The following EBF2 variants were observed in gnomAD, a reference collection of about 807,000 sequenced individuals.
The protein encoded by EBF2 is transcription factor COE2.
EBF2 carries 21 observed loss-of-function variants against 72.8 expected under a neutral mutation model. That is an observed-to-expected ratio of 0.29 (90% CI 0.20 to 0.42). The LOEUF (loss-of-function observed/expected upper bound fraction) is 0.42, where lower values mean the gene tolerates loss of function less well. Ranked by LOEUF, EBF2 falls within the 10% of genes least tolerant of loss-of-function variation. The probability of loss-of-function intolerance (pLI) is 1.00; values close to 1 mark genes in which losing one functional copy is unlikely to be tolerated. For missense variants in EBF2, 637 were observed against 731.2 expected (o/e 0.87, Z 1.49); for synonymous variants, 299 against 274.2 (o/e 1.09, Z -0.89).
intron 6 of EBF2, among the ~76,000 whole-genome samples, chr8:26,018,496 C>CAAAAAAAA (rs10555042): frequency 0.022 from 1,813 of 81,142 alleles, no homozygotes; most frequent in Middle Eastern, 0.055. Flanking sequence ...ACTAAAAATA[C>CAAAAAAAA]AAAAAAAAAA....
chr8:25,862,629 G>A (rs1210983603), intron 11 of EBF2, 80 bp downstream of exon 11: 4 of 1,106,504 alleles, frequency 3.6e-6, no homozygotes, highest in South Asian at 1.8e-5. Flanking sequence ...ATTTTAATGG[G>A]ATGTAAATGC....
intron 6 of EBF2, among the ~76,000 whole-genome samples, chr8:25,971,624 G>T (rs1184816836): frequency 6.6e-6 from 1 of 152,128 alleles, no homozygotes; most frequent in Non-Finnish European, 1.5e-5. Flanking sequence ...AATATTGATA[G>T]GTTAATGCTT....
At chr8:25,858,638 A>C in intron 13 of EBF2, 134 bp from the exon 14 acceptor site, 1 of 454,490 alleles carries the variant, frequency 2.2e-6, no homozygotes, top group Non-Finnish European at 3.9e-6. Flanking sequence ...GGAAGTGTGC[A>C]GTCCATCTTT....
At chr8:26,032,937 G>T in intron 6 of EBF2, 148 bp downstream of exon 6, 3 of 670,602 alleles carry the variant, frequency 4.5e-6, no homozygotes, top group Non-Finnish European at 7.8e-6. Context: ...AGAAAGGCCA[G>T]CATGAGGAGG....
At chr8:25,950,177 G>A (rs1803834926) in intron 6 of EBF2, among the ~76,000 whole-genome samples, 1 of 152,148 alleles carries the variant, frequency 6.6e-6, no homozygotes, top group African/African-American at 2.4e-5. Context: ...ATCACTCACT[G>A]ATGAATAACA....
At position 26,005,557 on chromosome 8, in the gene EBF2, T is replaced by TAGAGAGAGAGAGAG. The variant is rs1480763824; in HGVS notation, c.551+27527_551+27528insCTCTCTCTCTCTCT. 1.8e-3 allele frequency among the ~76,000 whole-genome samples: 80 copies of TAGAGAGAGAGAGAG among 45,072 alleles called. 3 individuals carry two copies. The highest frequency in any genetic ancestry group is 3.7e-3 in the African/African-American group (27 of 7,298). 29.6% of individuals were successfully genotyped at this position (45,072 alleles called of 152,430 possible). On this transcript the variant is annotated intron_variant, in intron 6 of 15. Transcript: ENST00000520164. The stretch of plus-strand genomic sequence containing the variant: ...TATATATATTTTATATATATATATA[T>TAGAGAGAGAGAGAG]ATATAGAGAGAGAGAGAGAGAGGTA...
At chr8:26,042,772 G>GCCC (rs1272963052) in intron 1 of EBF2, among the ~76,000 whole-genome samples, 1 of 152,178 alleles carries the variant, frequency 6.6e-6, no homozygotes, top group Non-Finnish European at 1.5e-5. Flanking sequence ...TGCTCACAAC[G>GCCC]CCCAAATGCT....
chr8:25,958,735 C>A (rs116022197), intron 6 of EBF2, among the ~76,000 whole-genome samples: 2,077 of 152,264 alleles, frequency 0.014, 49 homozygotes, highest in African/African-American at 0.046. Flanking sequence ...TACTACCTAA[C>A]GACAGTTGCC....
At chr8:25,942,615 T>C (rs1803694928) in intron 6 of EBF2, among the ~76,000 whole-genome samples, 1 of 152,214 alleles carries the variant, frequency 6.6e-6, no homozygotes, top group Non-Finnish European at 1.5e-5. Flanking sequence ...GTGACATATA[T>C]GGCAAAGTCA....
intron 6 of EBF2, among the ~76,000 whole-genome samples, chr8:26,029,151 T>A (rs1805352399): frequency 1.3e-5 from 2 of 152,214 alleles, no homozygotes; most frequent in Non-Finnish European, 2.9e-5. Flanking sequence ...CCAATGGTTT[T>A]CAATTAAAGG....
At chr8:25,950,210 CT>C (rs1803836286) in intron 6 of EBF2, among the ~76,000 whole-genome samples, 1 of 152,238 alleles carries the variant, frequency 6.6e-6, no homozygotes, top group Non-Finnish European at 1.5e-5. Context: ...GATTACATTA[CT>C]TTTGCAAAGA....
chr8:25,992,333 C>CAAAAAAAAAA (rs36020598), intron 6 of EBF2, among the ~76,000 whole-genome samples: 3 of 52,550 alleles, frequency 5.7e-5, no homozygotes, highest in Non-Finnish European at 9.3e-5. Context: ...GACTCTGTCT[C>CAAAAAAAAAA]AAAAAAAAAA....
chr8:25,923,164 G>T (rs1273681661), intron 6 of EBF2, among the ~76,000 whole-genome samples: 6 of 152,148 alleles, frequency 3.9e-5, no homozygotes, highest in Non-Finnish European at 7.4e-5. Flanking sequence ...CCCCAGCCAC[G>T]CTGGGAGAAA....
chr8:25,879,758 G>T (rs543775505), intron 10 of EBF2, among the ~76,000 whole-genome samples: 1 of 152,116 alleles, frequency 6.6e-6, no homozygotes, highest in Admixed American at 6.5e-5. Context: ...CTTTCATGGC[G>T]ATCTCATCTG....
At chr8:25,866,971 A>C (rs1802341984) in intron 10 of EBF2, among the ~76,000 whole-genome samples, 1 of 152,182 alleles carries the variant, frequency 6.6e-6, no homozygotes, top group Non-Finnish European at 1.5e-5. Context: ...TTAAACATTA[A>C]TTCATGGAAG....
chr8:25,935,625 C>T (rs970211623), intron 6 of EBF2, among the ~76,000 whole-genome samples: 2 of 152,164 alleles, frequency 1.3e-5, no homozygotes, highest in Non-Finnish European at 2.9e-5. Context: ...ACATGTCACC[C>T]GGCCCTATCA....
chr8:25,909,498 C>A (rs1173889266), intron 6 of EBF2, among the ~76,000 whole-genome samples: 1 of 151,656 alleles, frequency 6.6e-6, no homozygotes, highest in Non-Finnish European at 1.5e-5. Flanking sequence ...GAAATTTTAC[C>A]GCAGTCCCAA....
At chr8:26,008,799 T>A (rs1202023471) in intron 6 of EBF2, among the ~76,000 whole-genome samples, 8 of 134,534 alleles carry the variant, frequency 5.9e-5, no homozygotes, top group Non-Finnish European at 1.6e-5. Flanking sequence ...TGTCCATGCC[T>A]AGAATAACCA....
chr8:25,991,760 C>T (rs890649916), intron 6 of EBF2, among the ~76,000 whole-genome samples: 2 of 151,968 alleles, frequency 1.3e-5, no homozygotes, highest in African/African-American at 2.4e-5. Flanking sequence ...GAAGGAGAAT[C>T]GCTTGTACCC....
Sources: allele counts gnomAD v4.1 joint callset (sites outside exome capture counted in the v4.1 genomes callset), GRCh38; gene constraint gnomAD v4.1.1; transcripts MANE v1.5; gene names NCBI Gene and HGNC (gene_info 2026-07-23, HGNC 2026-07-21).